DLG2: variants seen among roughly 807,000 people sequenced by gnomAD.
DLG2 encodes the protein discs large MAGUK scaffold protein 2.
In DLG2, 45 loss-of-function variants were observed where a neutral mutation model predicts 132.5. That is an observed-to-expected ratio of 0.34 (90% CI 0.27 to 0.44). The LOEUF (loss-of-function observed/expected upper bound fraction) is 0.44, where lower values mean the gene tolerates loss of function less well. Ranked by LOEUF, DLG2 falls within the 20% of genes least tolerant of loss-of-function variation. DLG2 has a pLI of 1.00. For synonymous variants in DLG2, 424 were observed against 419.6 expected, an observed-to-expected ratio of 1.01 and a Z score of -0.13; for missense variants, 1,045 against 1,196.9, an observed-to-expected ratio of 0.87 and a Z score of 1.87.
chr11:83,936,451 G>A lies in DLG2; in HGVS notation c.1341-5968C>T, dbSNP rs868530087. Reference sequence around the variant, plus strand: ...CTTTCCCGTATGGTTCACAGCTGTGGTATCACATCAGATTGTTGGGTCATA... The same window carrying A: ...CTTTCCCGTATGGTTCACAGCTGTGATATCACATCAGATTGTTGGGTCATA... On this transcript the variant is annotated intron_variant, in intron 14 of 27. Transcript: ENST00000376104. Among the ~76,000 whole-genome samples the A allele has an allele frequency of 9.2e-5, 14 of 152,150 alleles. No homozygotes were observed. The South Asian group carries it at 1.4e-3, about 16-fold the overall frequency.
chr11:84,105,421 G>A (rs1378401531), intron 9 of DLG2, among the ~76,000 whole-genome samples: 1 of 152,096 alleles, frequency 6.6e-6, no homozygotes, highest in Non-Finnish European at 1.5e-5. Flanking sequence ...CAGCACATGG[G>A]TGATGATCAA....
intron 3 of DLG2, among the ~76,000 whole-genome samples, chr11:85,310,372 T>C (rs763214552): frequency 7.2e-5 from 11 of 152,146 alleles, no homozygotes; most frequent in Non-Finnish European, 1.3e-4. Flanking sequence ...TTCATAGAAA[T>C]AGGTTAGCAT....
intron 15 of DLG2, among the ~76,000 whole-genome samples, chr11:83,899,091 A>G (rs2072658783): frequency 6.6e-6 from 1 of 150,948 alleles, no homozygotes; most frequent in South Asian, 2.1e-4. Context: ...TTCAAGTTAA[A>G]TCTTTGGATA....
chr11:83,787,029 A>G (rs1052405199), intron 17 of DLG2, among the ~76,000 whole-genome samples: 1 of 152,148 alleles, frequency 6.6e-6, no homozygotes, highest in Non-Finnish European at 1.5e-5. Context: ...AAACATTTTT[A>G]TCTATTCATG....
In DLG2 at chr11:84,535,367, T is replaced by G. The variant is rs549610660; in HGVS notation, c.358-636A>C. Among the ~76,000 whole-genome samples, 587 of 152,356 alleles carry G rather than the reference T, an allele frequency of 3.9e-3. 3 individuals carry two copies. The highest frequency in any genetic ancestry group is 6.1e-3 in the Non-Finnish European group (416 of 68,030). On this transcript the variant is annotated intron_variant, in intron 6 of 27. Coordinates refer to ENST00000376104, the MANE Select transcript of DLG2 (RefSeq NM_001142699.3). ...CAATTTTTAGAAGCAGAGCTAGCTC[T>G]TTTAAAGAACTTTAAAAATCAAGGC...
intron 3 of DLG2, among the ~76,000 whole-genome samples, chr11:85,596,374 C>A (rs1303667391): frequency 1.3e-5 from 2 of 151,988 alleles, no homozygotes; most frequent in South Asian, 2.1e-4. Context: ...AGCGACAGAG[C>A]GAGACTCCAT....
At chr11:83,472,596 A>T (rs2092185056) in intron 23 of DLG2, 131 bp downstream of exon 23, 1 of 718,994 alleles carries the variant, frequency 1.4e-6, no homozygotes, top group African/African-American at 1.8e-5. Flanking sequence ...GCGTAAGAGT[A>T]AGGTACGGTC....
chr11:85,322,326 C>A (rs1320675060), intron 3 of DLG2, among the ~76,000 whole-genome samples: 1 of 152,126 alleles, frequency 6.6e-6, no homozygotes, highest in Non-Finnish European at 1.5e-5. Flanking sequence ...AAACTCCTTT[C>A]CTCTATGGTC....
intron 7 of DLG2, among the ~76,000 whole-genome samples, chr11:84,304,046 A>G (rs1204731475): frequency 6.6e-6 from 1 of 152,228 alleles, no homozygotes; most frequent in Non-Finnish European, 1.5e-5. Context: ...GCAGAAACAT[A>G]TTGAAAAGTA....
chr11:83,782,217 T>C (rs2094857749), intron 18 of DLG2, among the ~76,000 whole-genome samples: 1 of 152,230 alleles, frequency 6.6e-6, no homozygotes, highest in East Asian at 1.9e-4. Context: ...ATGCCATTCC[T>C]TTAATAATTA....
intron 6 of DLG2, among the ~76,000 whole-genome samples, chr11:84,981,108 T>C (rs1435745170): frequency 3.3e-5 from 5 of 152,176 alleles, no homozygotes; most frequent in African/African-American, 7.2e-5. Context: ...CCTGGATATA[T>C]GCATTTAAAA....
chr11:83,636,937 T>G (rs994282755), intron 18 of DLG2, among the ~76,000 whole-genome samples: 15 of 152,122 alleles, frequency 9.9e-5, no homozygotes, highest in Non-Finnish European at 2.1e-4. Context: ...TGCTTATCTG[T>G]CTCTTTGCTA....
chr11:84,935,340 T>C (rs1251337038), intron 6 of DLG2, among the ~76,000 whole-genome samples: 3 of 152,178 alleles, frequency 2.0e-5, no homozygotes, highest in African/African-American at 7.2e-5. Flanking sequence ...CATTCTCTGT[T>C]CCTCACAAGT....
At chr11:84,331,689 T>C (rs2098460181) in intron 7 of DLG2, among the ~76,000 whole-genome samples, 1 of 151,886 alleles carries the variant, frequency 6.6e-6, no homozygotes, top group Non-Finnish European at 1.5e-5. Flanking sequence ...CAGTTGTCAA[T>C]TACATCGGGG....
At chr11:85,499,164 G>GT (rs2093736253) in intron 3 of DLG2, among the ~76,000 whole-genome samples, 1 of 151,904 alleles carries the variant, frequency 6.6e-6, no homozygotes, top group Non-Finnish European at 1.5e-5. Flanking sequence ...TCCTGGAGCT[G>GT]GTTTTTTTAA....
At chr11:84,192,278 G>C (rs2096425679) in intron 8 of DLG2, among the ~76,000 whole-genome samples, 1 of 152,268 alleles carries the variant, frequency 6.6e-6, no homozygotes, top group South Asian at 2.1e-4. Context: ...CCACATAATG[G>C]TAAGATAATT....
intron 7 of DLG2, among the ~76,000 whole-genome samples, chr11:84,371,148 G>A (rs1049090115): frequency 9.9e-5 from 15 of 151,748 alleles, no homozygotes; most frequent in Non-Finnish European, 1.6e-4. Context: ...AAAAAGAAAA[G>A]ACAAGCTGCG....
intron 21 of DLG2, among the ~76,000 whole-genome samples, chr11:83,520,789 TCAATAG>T (rs1322085540): frequency 3.3e-5 from 5 of 152,168 alleles, no homozygotes; most frequent in Non-Finnish European, 5.9e-5. Context: ...TTGATTTGAC[TCAATAG>T]CCTTCATGCT....
chr11:84,134,692 C>CTGTG (rs5793105), intron 9 of DLG2, among the ~76,000 whole-genome samples: 99,573 of 149,528 alleles, frequency 0.67, 35,446 homozygotes, highest in Middle Eastern at 0.82. Context: ...CTTTTGTTAT[C>CTGTG]TGTGTGTGTG....
Sources: gnomAD v4.1 joint callset for allele counts (sites outside exome capture counted in the v4.1 genomes callset) on GRCh38, gnomAD v4.1.1 for gene constraint, MANE v1.5 for transcripts, NCBI Gene and HGNC (gene_info 2026-07-23, HGNC 2026-07-21) for gene names.